Variants in SLITRK4 observed in about 807,000 individuals in gnomAD.
The protein encoded by SLITRK4 is SLIT and NTRK-like protein 4.
In SLITRK4, 7 loss-of-function variants were observed where a neutral mutation model predicts 34.7. The observed-to-expected ratio is 0.20, with a 90% confidence interval of 0.11 to 0.38. The LOEUF (loss-of-function observed/expected upper bound fraction) is 0.38. Among genes scored for constraint, SLITRK4 ranks in the 10% least tolerant of loss-of-function variants. SLITRK4 has a pLI of 1.00. For missense variants in SLITRK4, 474 were observed against 607.0 expected (o/e 0.78, Z 2.30); for synonymous variants, 237 against 246.2 (o/e 0.96, Z 0.35).
chrX:143,628,091 C>CTTTTTTTT lies in SLITRK4; in HGVS notation c.*496_*503dup, dbSNP rs782497461. On this transcript the variant is annotated 3_prime_UTR_variant, in exon 2 of 2. Coordinates refer to ENST00000356928, the MANE Select transcript of SLITRK4 (RefSeq NM_001184749.3). ...CTATCGAGTGTTCTCTCTTTGCATG[C>CTTTTTTTT]TTTTTTTTTTTTTTTTTTTTTTTTT... 304 of 73,032 alleles carry CTTTTTTTT rather than the reference C, an allele frequency of 4.2e-3. 114 individuals are homozygous for CTTTTTTTT. Among genetic ancestry groups the CTTTTTTTT allele is most frequent in the African/African-American group, 8.2e-3 (38 of 4,613 alleles). The allele number at this position is 73,032 out of a possible 1,213,427, so 6.0% of individuals were successfully genotyped here.
Position 143,626,752 on chromosome X carries a change from AT to A in SLITRK4, c.*1842del, listed in dbSNP as rs1930798305. The A allele has an allele frequency of 9.3e-6, 1 of 107,721 alleles. No individual in the cohort carries two copies. Among genetic ancestry groups the A allele is most frequent in the South Asian group, 3.9e-4 (1 of 2,540 alleles). 8.9% of individuals were successfully genotyped at this position (107,721 alleles called of 1,213,427 possible). On this transcript the variant is annotated 3_prime_UTR_variant, in exon 2 of 2. Coordinates refer to ENST00000356928, the MANE Select transcript of SLITRK4 (RefSeq NM_001184749.3). ...GGTTATCTTACTGATTCATAAGGTAATTATAAGAGATAGGACACACACTCTC... is the reference window on the plus strand; with the variant it reads ...GGTTATCTTACTGATTCATAAGGTAATATAAGAGATAGGACACACACTCTC...
At position 143,630,160 on chromosome X, in the gene SLITRK4, C is replaced by A. The variant is rs1556427477; in HGVS notation, c.949G>T (p.Ala317Ser). ...TTGCGGTTGGAGAGGGCTTTGCCTG[C>A]AACGATTCCAGAGATCTTGGAAGGA... ...TNPSKISGIV[A>S]GKALSNRNLS... Residue 317 changes from alanine (A) to serine (S), a missense_variant, in exon 2 of 2, where the codon GCA (alanine) becomes TCA (serine). Transcript: ENST00000356928. 1.7e-6 allele frequency: 2 copies of A among 1,211,492 alleles called. No individual in the cohort carries two copies. Among genetic ancestry groups the A allele is most frequent in the African/African-American group, 1.7e-5 (1 of 57,677 alleles).
rs782006427 is a variant in SLITRK4 at position 143,635,481 on chromosome X, AACACACACAC to A, written c.-51+244_-51+253del. On this transcript the variant is annotated intron_variant, in intron 1 of 1. Transcript: ENST00000356928. ...TCTTCCAGTCCCCTAATAACGAAGGAACACACACACACACACACACACACACACACACACA... is the reference window on the plus strand; with the variant it reads ...TCTTCCAGTCCCCTAATAACGAAGGAACACACACACACACACACACACACA... 3.8e-3 allele frequency among the ~76,000 whole-genome samples: 211 copies of A among 55,237 alleles called. 1 individual carries two copies. Among genetic ancestry groups the A allele is most frequent in the South Asian group, 9.7e-3 (7 of 724 alleles). The allele number at this position is 55,237 out of a possible 115,157, so 48.0% of individuals were successfully genotyped here.
chrX:143,635,529 CGG>C (rs1295371868), intron 1 of SLITRK4, among the ~76,000 whole-genome samples: 25 of 103,221 alleles, frequency 2.4e-4, no homozygotes, highest in Admixed American at 1.8e-3. Context: ...CACACACACA[CGG>C]GGCATTCCTT....
chrX:143,635,361 C>T (rs1931202151), intron 1 of SLITRK4, among the ~76,000 whole-genome samples: 1 of 104,682 alleles, frequency 9.6e-6, no homozygotes. Context: ...AGGAGCGACC[C>T]CTTTCCTCAG....
At position 143,628,263 on chromosome X, in the gene SLITRK4, T is replaced by G. The variant is rs1930879401; in HGVS notation, c.*332A>C. 1 of 299,878 alleles carries G rather than the reference T, an allele frequency of 3.3e-6. No individual in the cohort carries two copies. Among genetic ancestry groups the G allele is most frequent in the South Asian group, 1.9e-4 (1 of 5,294 alleles). 24.7% of individuals were successfully genotyped at this position (299,878 alleles called of 1,213,427 possible). A position where few individuals can be genotyped will look rare whatever the true frequency, so the allele number is the denominator to read the frequency against. Reference sequence around the variant, plus strand: ...GTGTACCAGTTTTCTTGAGTTTGCTTTACAAAGCACAAAGAGACGAAGGTT... The same window carrying G: ...GTGTACCAGTTTTCTTGAGTTTGCTGTACAAAGCACAAAGAGACGAAGGTT... On this transcript the variant is annotated 3_prime_UTR_variant, in exon 2 of 2. Transcript: ENST00000356928.
Position 143,628,852 on chromosome X carries a change from T to A in SLITRK4, c.2257A>T (p.Arg753Trp). 2 of 1,211,645 alleles carry A rather than the reference T, an allele frequency of 1.7e-6. No individual in the cohort carries two copies. The highest frequency in any genetic ancestry group is 1.8e-5 in the South Asian group (1 of 56,989). Residue 753 changes from arginine (R) to tryptophan (W), a missense_variant, in exon 2 of 2, where the codon AGG (arginine) becomes TGG (tryptophan). Physicochemically the swap from Arg to Trp is moderately radical, Grantham distance 101 (BLOSUM62 -3). Transcript: ENST00000356928. ...TTCTGAATAAACACATTGGAATCCC[T>A]GCTAGGGAATAATTCATCCAGCTCA... The part of the protein sequence containing the change: ...IDELDELFPS[R>W]DSNVFIQNFL...
intron 1 of SLITRK4, among the ~76,000 whole-genome samples, chrX:143,632,016 G>A (rs1484381296): frequency 9.0e-6 from 1 of 111,541 alleles, no homozygotes; most frequent in African/African-American, 3.3e-5. Flanking sequence ...TTTCCACTTT[G>A]AGAACTGGCT....
At chrX:143,631,703 G>T (rs782650917) in intron 1 of SLITRK4, among the ~76,000 whole-genome samples, 11 of 111,080 alleles carry the variant, frequency 9.9e-5, no homozygotes, top group Non-Finnish European at 1.9e-4. Flanking sequence ...ACTGTTAAAA[G>T]ACTAAGGAAC....
At position 143,629,941 on chromosome X, in the gene SLITRK4, T is replaced by C; in HGVS notation, c.1168A>G (p.Lys390Glu). 8.3e-7 allele frequency: 1 copy of C among 1,211,974 alleles called. No individual in the cohort carries two copies. Among genetic ancestry groups the C allele is most frequent in the Non-Finnish European group, 1.1e-6 (1 of 895,575 alleles). The change falls in exon 2 of 2, where the codon AAG (lysine) becomes GAG (glutamate). Residue 390 changes from lysine to glutamate, a missense_variant. Coordinates refer to ENST00000356928, the MANE Select transcript of SLITRK4 (RefSeq NM_001184749.3). The stretch of plus-strand genomic sequence containing the variant: ...GTGAAGTCTGATACGTCCACATCCT[T>C]GATGCTATTGCCATTGACGTGCAGC... ...KKLHVNGNSI[K>E]DVDVSDFTDF... is the part of the protein sequence containing the mutation.
Position 143,628,907 on chromosome X carries a change from T to C in SLITRK4, c.2202A>G (p.Val734=). The change falls in exon 2 of 2, where the codon GTA becomes GTG. Residue 734 remains valine (V), a synonymous_variant. Coordinates refer to ENST00000356928, the MANE Select transcript of SLITRK4 (RefSeq NM_001184749.3). ...TTGTGCTCAGTCTCTTCCTGGTATC[T>C]ACATGTAATAAATCTTTCTCCTTGT... ...VADKEKDLLH[V]DTRKRLSTID... 1.7e-6 allele frequency: 2 copies of C among 1,211,796 alleles called. No individual in the cohort carries two copies. The highest frequency in any genetic ancestry group is 2.2e-6 in the Non-Finnish European group (2 of 895,398).
chrX:143,626,061 T>G lies in SLITRK4; in HGVS notation c.*2534A>C, dbSNP rs1930776680. 9.0e-6 allele frequency: 1 copy of G among 111,574 alleles called. No individual in the cohort carries two copies. Among genetic ancestry groups the G allele is most frequent in the African/African-American group, 3.3e-5 (1 of 30,724 alleles). 9.2% of individuals were successfully genotyped at this position (111,574 alleles called of 1,213,427 possible). On this transcript the variant is annotated 3_prime_UTR_variant, in exon 2 of 2. Coordinates refer to ENST00000356928, the MANE Select transcript of SLITRK4 (RefSeq NM_001184749.3). ...AGAACATCACCACACTGAATAAAAG[T>G]ATCATTCAAATGACCTATTATCCCC...
In SLITRK4 at chrX:143,624,564, T is replaced by G. The variant is rs1556425101; in HGVS notation, c.*4031A>C. 1 of 111,033 alleles carries G rather than the reference T, an allele frequency of 9.0e-6. No individual in the cohort carries two copies. Among genetic ancestry groups the G allele is most frequent in the Non-Finnish European group, 1.9e-5 (1 of 52,720 alleles). 9.2% of individuals were successfully genotyped at this position (111,033 alleles called of 1,213,427 possible). On this transcript the variant is annotated 3_prime_UTR_variant, in exon 2 of 2. Coordinates refer to ENST00000356928, the MANE Select transcript of SLITRK4 (RefSeq NM_001184749.3). ...AGAAAGCGTTTTTTTTAACAGAGAT[T>G]TAGCAGTTAAGTTGAATATAAACAG...
intron 1 of SLITRK4, 79 bp downstream of exon 1, chrX:143,635,656 G>A (rs1931217500): frequency 9.0e-6 from 1 of 110,568 alleles, no homozygotes; most frequent in African/African-American, 3.3e-5. Context: ...AATAATTACA[G>A]GATGGAGGGG....
At chrX:143,634,768 G>C (rs5025754) in intron 1 of SLITRK4, 1 of 107,389 alleles carries the variant, frequency 9.3e-6, no homozygotes, top group African/African-American at 3.4e-5. Context: ...CTCTCTCTCT[G>C]TCTCTCTCTC....
intron 1 of SLITRK4, among the ~76,000 whole-genome samples, chrX:143,632,091 C>T (rs1015130752): frequency 1.4e-4 from 16 of 111,635 alleles, no homozygotes; most frequent in Non-Finnish European, 2.4e-4. Flanking sequence ...CCGACTGATC[C>T]TCGGCTTAAC....
intron 1 of SLITRK4, among the ~76,000 whole-genome samples, chrX:143,632,083 G>T (rs146282621): frequency 1.8e-5 from 2 of 111,444 alleles, no homozygotes; most frequent in Non-Finnish European, 3.8e-5. Flanking sequence ...ACCCAGGTCC[G>T]ACTGATCCTC....
Position 143,628,902 on chromosome X carries a change from G to A in SLITRK4, c.2207C>T (p.Thr736Ile). The A allele has an allele frequency of 8.3e-7, 1 of 1,211,034 alleles. No homozygotes were observed. Among genetic ancestry groups the A allele is most frequent in the Non-Finnish European group, 1.1e-6 (1 of 895,151 alleles). Residue 736 changes from threonine to isoleucine, a missense_variant, in exon 2 of 2, where the codon ACC becomes ATC. By Grantham distance (89) the Thr-to-Ile change is moderately conservative. This residue lies in a region of SLITRK4 where 345 missense variants were observed against 406.5 expected (regional missense o/e 0.85). Coordinates refer to ENST00000356928, the MANE Select transcript of SLITRK4 (RefSeq NM_001184749.3). ...DKEKDLLHVD[T>I]RKRLSTIDEL... ...ATCAATTGTGCTCAGTCTCTTCCTGGTATCTACATGTAATAAATCTTTCTC... is the reference window on the plus strand; with the variant it reads ...ATCAATTGTGCTCAGTCTCTTCCTGATATCTACATGTAATAAATCTTTCTC...
rs897119026 is a variant in SLITRK4, at chrX:143,623,831, A to G, written c.*4764T>C. On this transcript the variant is annotated 3_prime_UTR_variant, in exon 2 of 2. Transcript: ENST00000356928. ...TCTGACCACAGTGACTAATGGGATG[A>G]GCACTAGAAATGATGCCAAACCTTG... 1 of 111,465 alleles carries G rather than the reference A, an allele frequency of 9.0e-6. No homozygotes were observed. Among genetic ancestry groups the G allele is most frequent in the Non-Finnish European group, 1.9e-5 (1 of 52,944 alleles). The allele number at this position is 111,465 out of a possible 1,213,427, so 9.2% of individuals were successfully genotyped here.
Sources: allele counts gnomAD v4.1 joint callset (sites outside exome capture counted in the v4.1 genomes callset), GRCh38; gene constraint gnomAD v4.1.1; regional missense constraint gnomAD v4.1.1; transcripts MANE v1.5; gene names NCBI Gene and HGNC (gene_info 2026-07-23, HGNC 2026-07-21).